The following STAT4 variants were observed in gnomAD, a reference collection of about 807,000 sequenced individuals.
STAT4 encodes signal transducer and activator of transcription 4.
A neutral mutation model predicts 110.5 loss-of-function variants in STAT4; 42 were observed. The observed-to-expected ratio is 0.38, with a 90% CI of 0.30 to 0.49. STAT4 has a LOEUF of 0.49. Among genes scored for constraint, STAT4 ranks in the 20% least tolerant of loss-of-function variants. The pLI is 0.95. For missense variants in STAT4, 632 were observed against 887.9 expected (o/e 0.71, Z 3.66); for synonymous variants, 284 against 302.2 (o/e 0.94, Z 0.63).
chr2:191,090,463 TATAATA>T lies in STAT4; in HGVS notation c.274-14144_274-14139del, dbSNP rs10553577. On this transcript the variant is annotated intron_variant, in intron 3 of 23. Transcript: ENST00000392320. This position sits in a 1 kb window ranked among gnomAD's most constrained non-coding sequence, Gnocchi z 4.2. ...AAATTAACAATGCTCTGTTATTATTTATAATAATAATAATAATACATCTATCTTAAA... is the reference window on the plus strand; with the variant it reads ...AAATTAACAATGCTCTGTTATTATTTATAATAATAATACATCTATCTTAAA... 1.3e-5 allele frequency among the ~76,000 whole-genome samples: 2 copies of T among 151,748 alleles called. No individual in the cohort carries two copies. The highest frequency in any genetic ancestry group is 4.2e-4 in the South Asian group (2 of 4,816).
At position 191,061,432 on chromosome 2, in the gene STAT4, T is replaced by TCTC. The variant is rs1696845456; in HGVS notation, c.1034+296_1034+297insGAG. On this transcript the variant is annotated intron_variant, in intron 10 of 23. Coordinates refer to ENST00000392320, the MANE Select transcript of STAT4 (RefSeq NM_003151.4). This position sits in a 1 kb window ranked among gnomAD's most constrained non-coding sequence, Gnocchi z 6.2. ...AATCCTCCTCCCCTCTCCCAATCTC[T>TCTC]CCAGTCTTTTCTCAAGTCAACCTTT... is the stretch of plus-strand genomic sequence containing the variant. Among the ~76,000 whole-genome samples, 1 of 152,160 alleles carries TCTC rather than the reference T, an allele frequency of 6.6e-6. No homozygotes were observed. Among genetic ancestry groups the TCTC allele is most frequent in the Non-Finnish European group, 1.5e-5 (1 of 68,030 alleles).
intron 3 of STAT4, among the ~76,000 whole-genome samples, chr2:191,085,953 C>A (rs1356465999): frequency 6.6e-6 from 1 of 152,120 alleles, no homozygotes; most frequent in Non-Finnish European, 1.5e-5. Context: ...CAGCTTTTAA[C>A]AACTGAGTAA....
At chr2:191,102,746 A>G (rs1464045524) in intron 3 of STAT4, among the ~76,000 whole-genome samples, 2 of 152,214 alleles carry the variant, frequency 1.3e-5, no homozygotes, top group East Asian at 3.8e-4. Flanking sequence ...GAATCTCTCA[A>G]GTCGACAGTG....
At chr2:191,125,478 T>TATTATTATTATTATTATTATC (rs1698855078) in intron 3 of STAT4, among the ~76,000 whole-genome samples, 1 of 146,330 alleles carries the variant, frequency 6.8e-6, no homozygotes, top group Admixed American at 6.9e-5. Context: ...CCTCATTATT[T>TATTATTATTATTATTATTATC]ATTATTATTA....
In STAT4 at chr2:191,030,823, C is replaced by A; in HGVS notation, c.2220+149G>T. On this transcript the variant is annotated intron_variant, in intron 23 of 23. Coordinates refer to ENST00000392320, the MANE Select transcript of STAT4 (RefSeq NM_003151.4). The surrounding 1 kb of genome is among the most constrained non-coding windows in gnomAD (Gnocchi z 4.4). Reference sequence around the variant, plus strand: ...AATATCAGCAACACGCAGGACCATCCAGACACCTTTTGTGTTATGCTCATG... The same window carrying A: ...AATATCAGCAACACGCAGGACCATCAAGACACCTTTTGTGTTATGCTCATG... 1.5e-6 allele frequency: 1 copy of A among 678,256 alleles called. No individual in the cohort carries two copies. Among genetic ancestry groups the A allele is most frequent in the Non-Finnish European group, 2.6e-6 (1 of 390,794 alleles). The allele number at this position is 678,256 out of a possible 1,614,324, so 42.0% of individuals were successfully genotyped here. A position where few individuals can be genotyped will look rare whatever the true frequency, so the allele number is the denominator to read the frequency against.
At position 191,061,733 on chromosome 2, in the gene STAT4, G is replaced by C. The variant is rs757857474; in HGVS notation, c.1030C>G (p.Leu344Val). Residue 344 changes from leucine to valine, a missense_variant, in exon 10 of 24, where the codon CTA (leucine) becomes GTA (valine). Around this residue, in one of 4 missense-constraint regions of STAT4, gnomAD observed 488 missense variants for 632.8 expected, o/e 0.77. Coordinates refer to ENST00000392320, the MANE Select transcript of STAT4 (RefSeq NM_003151.4). The surrounding 1 kb of genome is among the most constrained non-coding windows in gnomAD (Gnocchi z 6.2). ...GTAGAAAATGTTTTTGCCTACCTTA[G>C]TTTTACAGTGAACTGAATTAGGGTT... is the stretch of plus-strand genomic sequence containing the variant. Reference protein sequence around the residue: ...LKTLIQFTVKLRLLIKLPELN... With the variant: ...LKTLIQFTVKVRLLIKLPELN... 2 of 1,613,814 alleles carry C rather than the reference G, an allele frequency of 1.2e-6. No individual in the cohort carries two copies. The highest frequency in any genetic ancestry group is 2.7e-5 in the African/African-American group (2 of 74,896).
chr2:191,034,385 T>G (rs1044383890), intron 18 of STAT4, among the ~76,000 whole-genome samples, 163 bp downstream of exon 18: 4 of 145,682 alleles, frequency 2.7e-5, no homozygotes, highest in Non-Finnish European at 5.9e-5. Flanking sequence ...ATTGCGCCAC[T>G]GCACTCCAGC....
chr2:191,039,071 A>T lies in STAT4; in HGVS notation c.1434+128T>A. On this transcript the variant is annotated intron_variant, in intron 16 of 23. Transcript: ENST00000392320. The surrounding 1 kb of genome is among the most constrained non-coding windows in gnomAD (Gnocchi z 4.7). ...ACATGAGAGGAAACATACAACTAGA[A>T]ATACTACAAATAAAGCAACTCTCAC... is the stretch of plus-strand genomic sequence containing the variant. The T allele has an allele frequency of 1.3e-6, 1 of 752,104 alleles. No homozygotes were observed. Among genetic ancestry groups the T allele is most frequent in the East Asian group, 2.6e-5 (1 of 38,442 alleles). 46.6% of individuals were successfully genotyped at this position (752,104 alleles called of 1,614,324 possible).
At position 191,058,466 on chromosome 2, in the gene STAT4, A is replaced by G. The variant is rs775203512; in HGVS notation, c.1094+244T>C. On this transcript the variant is annotated intron_variant, in intron 11 of 23. Transcript: ENST00000392320. The surrounding 1 kb of genome is among the most constrained non-coding windows in gnomAD (Gnocchi z 4.3). ...GCATGAGCCGCCGCACCCGGTCTCT[A>G]TGATACTTTAAAGGATAGTATATAA... Among the ~76,000 whole-genome samples the G allele has an allele frequency of 1.3e-5, 2 of 152,100 alleles. No homozygotes were observed. Among genetic ancestry groups the G allele is most frequent in the Non-Finnish European group, 2.9e-5 (2 of 68,010 alleles).
At position 191,082,319 on chromosome 2, in the gene STAT4, T is replaced by C. The variant is rs1697506891; in HGVS notation, c.274-5994A>G. Among the ~76,000 whole-genome samples, 1 of 152,256 alleles carries C rather than the reference T, an allele frequency of 6.6e-6. No homozygotes were observed. Among genetic ancestry groups the C allele is most frequent in the South Asian group, 2.1e-4 (1 of 4,836 alleles). On this transcript the variant is annotated intron_variant, in intron 3 of 23. Coordinates refer to ENST00000392320, the MANE Select transcript of STAT4 (RefSeq NM_003151.4). This position sits in a 1 kb window ranked among gnomAD's most constrained non-coding sequence, Gnocchi z 4.7. ...CTGCTGATTTGTTCCCGTCCCTTTC[T>C]GCATACATAATAACTATTTGTTTGA...
intron 3 of STAT4, among the ~76,000 whole-genome samples, chr2:191,089,598 C>G (rs1697737017): frequency 6.6e-6 from 1 of 152,188 alleles, no homozygotes; most frequent in African/African-American, 2.4e-5. Context: ...TACATGAAAA[C>G]CTACACATGG....
At chr2:191,041,601 T>C (rs1400039255) in intron 14 of STAT4, 1 of 152,238 alleles carries the variant, frequency 6.6e-6, no homozygotes, top group East Asian at 1.9e-4. Context: ...AGTACATGTA[T>C]TTTCCTCTGT....
At chr2:191,041,604 T>C (rs959282026) in intron 14 of STAT4, 12 of 152,344 alleles carry the variant, frequency 7.9e-5, no homozygotes, top group African/African-American at 2.9e-4. Flanking sequence ...ACATGTATTT[T>C]CCTCTGTTCC....
chr2:191,047,306 A>T (rs1276721642), intron 14 of STAT4, among the ~76,000 whole-genome samples: 2 of 152,152 alleles, frequency 1.3e-5, no homozygotes, highest in African/African-American at 4.8e-5. Context: ...TGTTCCCCTG[A>T]GTTTTGTGAA....
At chr2:191,034,035 A>G (rs1306720870) in intron 18 of STAT4, 30 bp from the exon 19 acceptor site, 2 of 1,411,322 alleles carry the variant, frequency 1.4e-6, no homozygotes, top group East Asian at 2.3e-5. Flanking sequence ...CATTAAGACA[A>G]TGATTATTTA....
chr2:191,140,011 C>A lies in STAT4; in HGVS notation c.273+6602G>T, dbSNP rs927551455. On this transcript the variant is annotated intron_variant, in intron 3 of 23. Transcript: ENST00000392320. This position sits in a 1 kb window ranked among gnomAD's most constrained non-coding sequence, Gnocchi z 4.4. ...AAAAATATAAATCAGGGAAAAGACA[C>A]CCTATTCAATATATGGGCTGGGAAA... Among the ~76,000 whole-genome samples, 3 of 152,070 alleles carry A rather than the reference C, an allele frequency of 2.0e-5. No individual in the cohort carries two copies. Among genetic ancestry groups the A allele is most frequent in the African/African-American group, 7.2e-5 (3 of 41,414 alleles).
intron 14 of STAT4, among the ~76,000 whole-genome samples, chr2:191,049,377 T>C (rs911545559): frequency 3.3e-5 from 5 of 151,988 alleles, no homozygotes; most frequent in Admixed American, 6.6e-5. Context: ...GGGGTTTCAC[T>C]GTGTTAGCCA....
At chr2:191,102,279 T>C (rs961337913) in intron 3 of STAT4, among the ~76,000 whole-genome samples, 2 of 152,160 alleles carry the variant, frequency 1.3e-5, no homozygotes, top group African/African-American at 4.8e-5. Flanking sequence ...CTCACATGCA[T>C]TGCTATATTT....
intron 3 of STAT4, among the ~76,000 whole-genome samples, chr2:191,121,567 A>T (rs1698729144): frequency 6.6e-6 from 1 of 152,180 alleles, no homozygotes; most frequent in South Asian, 2.1e-4. Context: ...TGTGGCACAT[A>T]TACACCATGG....
Sources: allele counts gnomAD v4.1 joint callset (sites outside exome capture counted in the v4.1 genomes callset), GRCh38; gene constraint gnomAD v4.1.1; regional missense constraint gnomAD v4.1.1; non-coding constraint Gnocchi (gnomAD v3.1); transcripts MANE v1.5; gene names NCBI Gene and HGNC (gene_info 2026-07-23, HGNC 2026-07-21).